The following MGAT4C variants were observed in gnomAD, a reference collection of about 807,000 sequenced individuals.
MGAT4C encodes MGAT4 family member C, also known as alpha-1,3-mannosyl-glycoprotein 4-beta-N-acetylglucosaminyltransferase C.
In MGAT4C, 19 loss-of-function variants were observed where a neutral mutation model predicts 40.1. The observed-to-expected ratio is 0.47, with a 90% confidence interval of 0.33 to 0.70. The LOEUF (loss-of-function observed/expected upper bound fraction) is 0.70. MGAT4C is among the 30% of genes least tolerant of loss of function. MGAT4C has a pLI of 0.02. For synonymous variants in MGAT4C, 181 were observed against 187.1 expected (o/e 0.97, Z 0.27); for missense variants, 491 against 563.2 (o/e 0.87, Z 1.30).
chr12:86,638,395 T>A (rs1466602310), intron 2 of MGAT4C, among the ~76,000 whole-genome samples: 1 of 151,846 alleles, frequency 6.6e-6, no homozygotes, highest in Non-Finnish European at 1.5e-5. Flanking sequence ...TGTGCTCTAT[T>A]CAAATTCACA....
At chr12:86,796,589 G>A (rs1226359934) in intron 1 of MGAT4C, among the ~76,000 whole-genome samples, 1 of 151,892 alleles carries the variant, frequency 6.6e-6, no homozygotes, top group African/African-American at 2.4e-5. Context: ...TTACATAGAA[G>A]GAAGAAATTC....
intron 2 of MGAT4C, among the ~76,000 whole-genome samples, chr12:86,029,108 C>A (rs1447128404): frequency 6.6e-6 from 1 of 151,772 alleles, no homozygotes; most frequent in African/African-American, 2.4e-5. Flanking sequence ...GCAGTAAAGC[C>A]TGATGATCTC....
At chr12:86,079,677 A>C (rs945593775) in intron 1 of MGAT4C, among the ~76,000 whole-genome samples, 7 of 152,076 alleles carry the variant, frequency 4.6e-5, no homozygotes, top group African/African-American at 1.7e-4. Context: ...CAAAAACTCC[A>C]TAATATTAAT....
intron 2 of MGAT4C, among the ~76,000 whole-genome samples, chr12:86,537,178 A>G (rs1959087071): frequency 6.6e-6 from 1 of 152,078 alleles, no homozygotes; most frequent in Non-Finnish European, 1.5e-5. Flanking sequence ...CAATGAGAAC[A>G]CATGGACACA....
chr12:86,801,535 T>C (rs773764806), intron 1 of MGAT4C, among the ~76,000 whole-genome samples: 12 of 151,854 alleles, frequency 7.9e-5, no homozygotes, highest in Admixed American at 4.0e-4. Context: ...GGATTTTTTC[T>C]GTTGGTTACA....
intron 4 of MGAT4C, among the ~76,000 whole-genome samples, chr12:86,263,107 C>A (rs1238951542): frequency 1.3e-5 from 2 of 151,862 alleles, no homozygotes; most frequent in Admixed American, 6.6e-5. Context: ...GGGGTTGTAA[C>A]CCCATAAATT....
At chr12:86,634,102 G>C (rs188911194) in intron 2 of MGAT4C, among the ~76,000 whole-genome samples, 12 of 152,090 alleles carry the variant, frequency 7.9e-5, no homozygotes, top group African/African-American at 2.9e-4. Context: ...TTCCCAACAG[G>C]TTTGTTGAAA....
At chr12:86,667,474 A>G (rs1964140728) in intron 2 of MGAT4C, among the ~76,000 whole-genome samples, 1 of 152,234 alleles carries the variant, frequency 6.6e-6, no homozygotes, top group Non-Finnish European at 1.5e-5. Flanking sequence ...ACAAGCAAGC[A>G]AATCAGACTG....
chr12:86,427,321 A>G (rs1956947406), intron 3 of MGAT4C, among the ~76,000 whole-genome samples: 1 of 152,160 alleles, frequency 6.6e-6, no homozygotes, highest in South Asian at 2.1e-4. Flanking sequence ...TTATAATGCC[A>G]CATTAATAGA....
intron 1 of MGAT4C, among the ~76,000 whole-genome samples, chr12:86,791,858 A>G (rs2136193607): frequency 6.6e-6 from 1 of 152,302 alleles, no homozygotes; most frequent in South Asian, 2.1e-4. Context: ...ATAGCAAGAG[A>G]AGAACCCAAC....
chr12:86,653,765 GAT>G (rs111628561), intron 2 of MGAT4C, among the ~76,000 whole-genome samples: 1 of 150,944 alleles, frequency 6.6e-6, no homozygotes, highest in Non-Finnish European at 1.5e-5. Flanking sequence ...TTCTATTCAG[GAT>G]ATATATATAT....
chr12:86,518,825 G>A (rs778330494), intron 2 of MGAT4C, among the ~76,000 whole-genome samples: 3 of 151,920 alleles, frequency 2.0e-5, no homozygotes, highest in Admixed American at 6.6e-5. Context: ...ACTCATTGTA[G>A]CTTATCTGTT....
chr12:86,784,056 G>T (rs1253048700), intron 1 of MGAT4C, among the ~76,000 whole-genome samples: 1 of 152,084 alleles, frequency 6.6e-6, no homozygotes, highest in Non-Finnish European at 1.5e-5. Flanking sequence ...GGTCTGCCAT[G>T]ACTCCACCTC....
At position 85,979,706 on chromosome 12, in the gene MGAT4C, G is replaced by C. The variant is rs1165917384; in HGVS notation, c.1020C>G (p.Asn340Lys). The C allele has an allele frequency of 1.2e-6, 2 of 1,613,294 alleles. No individual in the cohort carries two copies. The highest frequency in any genetic ancestry group is 2.7e-5 in the African/African-American group (2 of 74,860). Residue 340 changes from asparagine (N) to lysine (K), a missense_variant, in exon 5 of 5, where the codon AAC becomes AAG. Coordinates refer to ENST00000611864, the MANE Select transcript of MGAT4C (RefSeq NM_001351288.2). ...TGTTGGTGTACAGACTTGCAGGGGGGTTATCAGGAATGTCAAATGACTCCT... is the reference window on the plus strand; with the variant it reads ...TGTTGGTGTACAGACTTGCAGGGGGCTTATCAGGAATGTCAAATGACTCCT... Reference protein sequence around the residue: ...FEEESFDIPDNPPASLYTNMN... With the variant: ...FEEESFDIPDKPPASLYTNMN...
At chr12:86,347,946 T>A (rs7134944) in intron 3 of MGAT4C, among the ~76,000 whole-genome samples, 1 of 152,090 alleles carries the variant, frequency 6.6e-6, no homozygotes, top group Non-Finnish European at 1.5e-5. Flanking sequence ...GCCTTCCTAA[T>A]TTTTTCTTTA....
chr12:86,339,929 G>A (rs903730680), intron 3 of MGAT4C, among the ~76,000 whole-genome samples: 4 of 152,074 alleles, frequency 2.6e-5, no homozygotes, highest in African/African-American at 9.7e-5. Context: ...CAGCACTTTG[G>A]TTTTATTTTT....
intron 1 of MGAT4C, among the ~76,000 whole-genome samples, chr12:86,087,050 A>C (rs61931143): frequency 6.6e-6 from 1 of 151,948 alleles, no homozygotes; most frequent in Non-Finnish European, 1.5e-5. Flanking sequence ...TATACCCCAC[A>C]TTTTCTTTAT....
At chr12:86,705,751 A>C (rs562593742) in intron 2 of MGAT4C, among the ~76,000 whole-genome samples, 1 of 152,292 alleles carries the variant, frequency 6.6e-6, no homozygotes, top group Admixed American at 6.5e-5. Flanking sequence ...ACAAAATATA[A>C]GAGGAGATAC....
chr12:86,262,488 T>C (rs1357680298), intron 4 of MGAT4C, among the ~76,000 whole-genome samples: 1 of 151,504 alleles, frequency 6.6e-6, no homozygotes. Context: ...ATCAAATCTC[T>C]TTAAGTGACC....
Sources: allele counts gnomAD v4.1 joint callset (sites outside exome capture counted in the v4.1 genomes callset), GRCh38; gene constraint gnomAD v4.1.1; transcripts MANE v1.5; gene names NCBI Gene and HGNC (gene_info 2026-07-23, HGNC 2026-07-21).